Variants in CADPS observed in about 807,000 individuals in gnomAD.
CADPS encodes calcium dependent secretion activator, also known as calcium-dependent secretion activator 1.
CADPS carries 57 observed loss-of-function variants against 167.3 expected under a neutral mutation model. That is an observed-to-expected ratio of 0.34 (90% CI 0.28 to 0.42). The LOEUF is 0.42. CADPS is among the 20% of genes least tolerant of loss of function. The pLI is 1.00. For synonymous variants in CADPS, 676 were observed against 635.3 expected, an observed-to-expected ratio of 1.06 and a Z score of -0.96; for missense variants, 1,414 against 1,738.1, an observed-to-expected ratio of 0.81 and a Z score of 3.32.
chr3:62,874,118 C>T lies in CADPS; in HGVS notation c.441+471G>A, dbSNP rs894579126. On this transcript the variant is annotated intron_variant, in intron 1 of 29. Coordinates refer to ENST00000383710, the MANE Select transcript of CADPS (RefSeq NM_003716.4). This position sits in a 1 kb window ranked among gnomAD's most constrained non-coding sequence, Gnocchi z 7.1. ...CTGCTCCAAGACGCTCTTCTCCCTC[C>T]ACCTCGGCGCCCCCACCTGCCGTTG... is the stretch of plus-strand genomic sequence containing the variant. Among the ~76,000 whole-genome samples, 71 of 152,340 alleles carry T rather than the reference C, an allele frequency of 4.7e-4. No individual in the cohort carries two copies. Among genetic ancestry groups the T allele is most frequent in the African/African-American group, 1.7e-3 (70 of 41,594 alleles).
chr3:62,794,949 C>G (rs1232452831), intron 1 of CADPS, among the ~76,000 whole-genome samples: 1 of 152,060 alleles, frequency 6.6e-6, no homozygotes, highest in African/African-American at 2.4e-5. Flanking sequence ...ATTCAGATCA[C>G]TGTCTCTTTG....
chr3:62,654,255 T>C (rs1051154837), intron 4 of CADPS, among the ~76,000 whole-genome samples: 4 of 152,158 alleles, frequency 2.6e-5, no homozygotes, highest in Admixed American at 2.0e-4. Flanking sequence ...GGGATCATGT[T>C]GAGAGGATGT....
At chr3:62,487,401 A>ATTG (rs1170262964) in intron 21 of CADPS, among the ~76,000 whole-genome samples, 1 of 152,210 alleles carries the variant, frequency 6.6e-6, no homozygotes, top group East Asian at 1.9e-4. Flanking sequence ...TGCCAGAAGG[A>ATTG]TTGTGGGCAA....
intron 28 of CADPS, among the ~76,000 whole-genome samples, chr3:62,407,455 C>A (rs556809477): frequency 6.6e-6 from 1 of 152,184 alleles, no homozygotes; most frequent in East Asian, 1.9e-4. Context: ...GATTCAGACA[C>A]AGAATGAGTG....
intron 3 of CADPS, among the ~76,000 whole-genome samples, chr3:62,664,863 C>G (rs1376220834): frequency 6.6e-6 from 1 of 152,188 alleles, no homozygotes; most frequent in East Asian, 1.9e-4. Flanking sequence ...GCAGAAAATG[C>G]TGGCAATGAA....
rs917840211 is a variant in CADPS, at chr3:62,478,404, G to A, written c.3186C>T (p.Gly1062=). The A allele has an allele frequency of 1.2e-6, 2 of 1,613,612 alleles. No individual in the cohort carries two copies. Among genetic ancestry groups the A allele is most frequent in the East Asian group, 2.2e-5 (1 of 44,870 alleles). ...GTTTCCAAAACAGATCTTCTGAGGT[G>A]CCTGACCCATTACTGGCAGGACAAA... is the stretch of plus-strand genomic sequence containing the variant. ...AAIYDADNGS[G]TSEDLFWKLD... Residue 1062 remains glycine (G), a synonymous_variant, in exon 23 of 30, where the codon GGC becomes GGT. Transcript: ENST00000383710. This position sits in a 1 kb window ranked among gnomAD's most constrained non-coding sequence, Gnocchi z 5.7.
intron 4 of CADPS, 64 bp from the exon 5 acceptor site, chr3:62,651,144 C>G: frequency 8.6e-7 from 1 of 1,157,280 alleles, no homozygotes; most frequent in Non-Finnish European, 1.3e-6. Flanking sequence ...TAAAGAAGGT[C>G]TTTGTCCCAT....
intron 3 of CADPS, among the ~76,000 whole-genome samples, chr3:62,725,633 A>ACATT (rs1476116169): frequency 4.7e-5 from 7 of 149,600 alleles, no homozygotes; most frequent in African/African-American, 1.8e-4. Context: ...AAATATTTAG[A>ACATT]CATTGCTGGT....
chr3:62,679,923 C>T (rs147897537), intron 3 of CADPS, among the ~76,000 whole-genome samples: 182 of 152,106 alleles, frequency 1.2e-3, no homozygotes, highest in African/African-American at 4.3e-3. Context: ...ATTTGTCCTC[C>T]ACTGGATGCA....
chr3:62,400,437 T>A (rs1401833998), intron 29 of CADPS, among the ~76,000 whole-genome samples: 4 of 152,070 alleles, frequency 2.6e-5, no homozygotes, highest in African/African-American at 2.4e-5. Context: ...TTTGTTTTTT[T>A]AAAAGGTCTC....
intron 2 of CADPS, among the ~76,000 whole-genome samples, chr3:62,763,723 C>G (rs902858319): frequency 6.6e-6 from 1 of 151,940 alleles, no homozygotes; most frequent in African/African-American, 2.4e-5. Context: ...ACAGAAACTT[C>G]ACTTTAGAGG....
intron 3 of CADPS, among the ~76,000 whole-genome samples, chr3:62,662,889 C>T (rs944691862): frequency 7.9e-5 from 12 of 152,262 alleles, no homozygotes; most frequent in African/African-American, 2.9e-4. Flanking sequence ...GAGACCTGTA[C>T]CAGCCCTCCA....
At position 62,596,194 on chromosome 3, in the gene CADPS, A is replaced by C. The variant is rs1388310199; in HGVS notation, c.1326-3446T>G. ...AGAACCCTAATACAATGGGGTACAG[A>C]GTGCTATTTTTTTTTTTTTTTGACA... On this transcript the variant is annotated intron_variant, in intron 6 of 29. Transcript: ENST00000383710. 2.3e-4 allele frequency among the ~76,000 whole-genome samples: 23 copies of C among 100,452 alleles called. No individual in the cohort carries two copies. In the Admixed American group the frequency reaches 3.4e-3, roughly 15 times the overall value. 65.9% of individuals were successfully genotyped at this position (100,452 alleles called of 152,430 possible).
intron 24 of CADPS, among the ~76,000 whole-genome samples, chr3:62,468,463 G>C (rs1296374678): frequency 1.3e-5 from 2 of 152,168 alleles, no homozygotes; most frequent in African/African-American, 4.8e-5. Flanking sequence ...ATAGAGACTA[G>C]AGTAATTGTT....
At chr3:62,501,325 T>C (rs1050250673) in intron 17 of CADPS, among the ~76,000 whole-genome samples, 1 of 152,250 alleles carries the variant, frequency 6.6e-6, no homozygotes, top group African/African-American at 2.4e-5. Flanking sequence ...CATAATTTCA[T>C]TCGTAGACTT....
chr3:62,596,350 C>T (rs771488922), intron 6 of CADPS, among the ~76,000 whole-genome samples: 5 of 151,892 alleles, frequency 3.3e-5, no homozygotes, highest in Non-Finnish European at 7.4e-5. Context: ...TGCCCGCCAC[C>T]GTGCCCAGCT....
chr3:62,721,472 G>A (rs2075818757), intron 3 of CADPS, among the ~76,000 whole-genome samples: 1 of 152,058 alleles, frequency 6.6e-6, no homozygotes, highest in Admixed American at 6.6e-5. Flanking sequence ...GCTGTGGGTA[G>A]GTAAGCACAC....
chr3:62,448,709 G>A (rs1212337098), intron 26 of CADPS, among the ~76,000 whole-genome samples: 1 of 152,064 alleles, frequency 6.6e-6, no homozygotes, highest in Non-Finnish European at 1.5e-5. Context: ...TGCCTCCCGA[G>A]TTGAAGCAAT....
chr3:62,726,197 A>C (rs1031340217), intron 3 of CADPS, among the ~76,000 whole-genome samples: 9 of 151,812 alleles, frequency 5.9e-5, no homozygotes, highest in African/African-American at 2.2e-4. Context: ...CTGGGCAGTC[A>C]CTGTCTGCAG....
Sources: gnomAD v4.1 joint callset for allele counts (sites outside exome capture counted in the v4.1 genomes callset) on GRCh38, gnomAD v4.1.1 for gene constraint, Gnocchi (gnomAD v3.1) non-coding constraint, MANE v1.5 for transcripts, NCBI Gene and HGNC (gene_info 2026-07-23, HGNC 2026-07-21) for gene names.